Variants in ANKS1B observed in about 807,000 individuals in gnomAD.
ANKS1B encodes the protein ankyrin repeat and sterile alpha motif domain containing 1B.
ANKS1B carries 36 observed loss-of-function variants against 148.3 expected under a neutral mutation model. The ratio of observed to expected loss-of-function variants is 0.24; its 90% CI spans 0.19 to 0.32. The LOEUF is 0.32. Ranked by LOEUF, ANKS1B falls within the 10% of genes least tolerant of loss-of-function variation. The pLI, the probability that ANKS1B is intolerant of heterozygous loss-of-function variation, is 1.00. For synonymous variants in ANKS1B, 542 were observed against 560.8 expected (o/e 0.97, Z 0.47); for missense variants, 1,157 against 1,542.6 (o/e 0.75, Z 4.19).
At chr12:99,620,359 G>T (rs1376706393) in intron 9 of ANKS1B, among the ~76,000 whole-genome samples, 1 of 152,126 alleles carries the variant, frequency 6.6e-6, no homozygotes, top group Non-Finnish European at 1.5e-5. Flanking sequence ...GATCACACTA[G>T]CTCTCCAGCA....
intron 8 of ANKS1B, among the ~76,000 whole-genome samples, chr12:99,726,467 A>G (rs896624232): frequency 6.6e-6 from 1 of 152,152 alleles, no homozygotes; most frequent in Non-Finnish European, 1.5e-5. Flanking sequence ...ACCAATAACA[A>G]GTTCTGAAAT....
At chr12:99,958,196 G>A (rs1468378269) in intron 1 of ANKS1B, among the ~76,000 whole-genome samples, 2 of 152,120 alleles carry the variant, frequency 1.3e-5, no homozygotes, top group East Asian at 3.9e-4. Flanking sequence ...AGGCAACAGT[G>A]GAAAGTCCAT....
intron 11 of ANKS1B, among the ~76,000 whole-genome samples, chr12:99,426,753 G>A (rs991131129): frequency 1.2e-4 from 19 of 152,212 alleles, no homozygotes; most frequent in African/African-American, 4.3e-4. Context: ...TAGCAGAAGG[G>A]CTAGAGACCC....
At chr12:99,588,704 A>T (rs1201223179) in intron 9 of ANKS1B, among the ~76,000 whole-genome samples, 1 of 152,172 alleles carries the variant, frequency 6.6e-6, no homozygotes, top group East Asian at 1.9e-4. Context: ...AATTTTCTAG[A>T]ACTTTCCTAT....
chr12:98,927,995 T>A (rs995279839), intron 17 of ANKS1B, among the ~76,000 whole-genome samples: 4 of 151,208 alleles, frequency 2.6e-5, no homozygotes, highest in Non-Finnish European at 5.9e-5. Flanking sequence ...AAACCAAAAG[T>A]GTATTCTTTG....
intron 1 of ANKS1B, among the ~76,000 whole-genome samples, chr12:99,883,350 CA>C (rs2092639775): frequency 6.6e-6 from 1 of 151,792 alleles, no homozygotes; most frequent in Non-Finnish European, 1.5e-5. Flanking sequence ...AACAAACAAA[CA>C]AAAAAAGAAC....
chr12:98,890,132 G>T (rs1319760620), intron 17 of ANKS1B, among the ~76,000 whole-genome samples: 1 of 152,192 alleles, frequency 6.6e-6, no homozygotes, highest in African/African-American at 2.4e-5. Context: ...GTAGCTCTGG[G>T]TGGGTAAATG....
chr12:99,496,265 G>A (rs1199928878), intron 10 of ANKS1B, among the ~76,000 whole-genome samples: 3 of 152,106 alleles, frequency 2.0e-5, no homozygotes, highest in Non-Finnish European at 4.4e-5. Context: ...TAAAATCAAA[G>A]GAAAAGGAGA....
chr12:98,890,424 T>C (rs1427606917), intron 17 of ANKS1B, among the ~76,000 whole-genome samples: 1 of 152,144 alleles, frequency 6.6e-6, no homozygotes, highest in Non-Finnish European at 1.5e-5. Flanking sequence ...AAAAAATATA[T>C]ATATTAAGAG....
chr12:98,823,788 G>A (rs2099222168), intron 19 of ANKS1B, among the ~76,000 whole-genome samples: 1 of 152,230 alleles, frequency 6.6e-6, no homozygotes. Context: ...CACGGTGCCT[G>A]GCCAAAAAAG....
chr12:98,753,816 T>C (rs773203594), intron 25 of ANKS1B, among the ~76,000 whole-genome samples: 1 of 152,222 alleles, frequency 6.6e-6, no homozygotes, highest in Admixed American at 6.5e-5. Context: ...ATGCTGATAT[T>C]GCAACTAAGC....
At chr12:99,059,307 T>A (rs989972681) in intron 16 of ANKS1B, among the ~76,000 whole-genome samples, 1 of 152,234 alleles carries the variant, frequency 6.6e-6, no homozygotes, top group African/African-American at 2.4e-5. Flanking sequence ...GCATCTCACA[T>A]ATGGCAAGCA....
At chr12:99,812,566 G>C (rs1037407405) in intron 2 of ANKS1B, among the ~76,000 whole-genome samples, 4,522 of 106,990 alleles carry the variant, frequency 0.042, 84 homozygotes, top group East Asian at 0.14. Flanking sequence ...CACAGAGAGA[G>C]AGAGAGAGAG....
intron 9 of ANKS1B, among the ~76,000 whole-genome samples, chr12:99,604,815 C>CAAAA (rs150262116): frequency 1.2e-5 from 1 of 81,098 alleles, no homozygotes; most frequent in Admixed American, 1.3e-4. Context: ...AACTCTATCT[C>CAAAA]AAAAAAAAAA....
chr12:99,791,930 T>C (rs562244706), intron 4 of ANKS1B, among the ~76,000 whole-genome samples: 60 of 144,284 alleles, frequency 4.2e-4, no homozygotes, highest in African/African-American at 1.4e-3. Flanking sequence ...GAATTTGAAA[T>C]GATTAAAAAA....
chr12:99,076,669 C>T (rs2047967956), intron 16 of ANKS1B, among the ~76,000 whole-genome samples: 2 of 152,120 alleles, frequency 1.3e-5, no homozygotes, highest in South Asian at 4.1e-4. Flanking sequence ...TACCCTGGGG[C>T]CTTTCACTAG....
chr12:98,968,637 C>G (rs1285946520), intron 17 of ANKS1B, among the ~76,000 whole-genome samples: 1 of 152,136 alleles, frequency 6.6e-6, no homozygotes, highest in Admixed American at 6.5e-5. Context: ...ACCTTTCTCT[C>G]TCCTAAAGCT....
chr12:99,166,059 G>A (rs569955248), intron 14 of ANKS1B, among the ~76,000 whole-genome samples: 17 of 151,726 alleles, frequency 1.1e-4, no homozygotes, highest in African/African-American at 2.9e-4. Flanking sequence ...GAAATCATTT[G>A]ACAAAATCCA....
In ANKS1B at chr12:98,848,409, T is replaced by C. The variant is rs188503178; in HGVS notation, c.2779-16273A>G. On this transcript the variant is annotated intron_variant, in intron 17 of 26. Coordinates refer to ENST00000683438, the MANE Select transcript of ANKS1B (RefSeq NM_001352186.2). ...ATAATATTATTCACATAGTGGGCCC[T>C]TGATATCCATGAAATGTGTAATTAA... Among the ~76,000 whole-genome samples the C allele has an allele frequency of 3.4e-4, 52 of 152,302 alleles. 1 individual carries two copies. In the East Asian group the frequency reaches 9.8e-3, roughly 29 times the overall value.
Sources: gnomAD v4.1 joint callset for allele counts (sites outside exome capture counted in the v4.1 genomes callset) on GRCh38, gnomAD v4.1.1 for gene constraint, MANE v1.5 for transcripts, NCBI Gene and HGNC (gene_info 2026-07-23, HGNC 2026-07-21) for gene names.